CCDC178: variants seen among roughly 807,000 people sequenced by gnomAD.
The protein encoded by CCDC178 is coiled-coil domain containing 178.
A neutral mutation model predicts 117.4 loss-of-function variants in CCDC178; 126 were observed. The ratio of observed to expected loss-of-function variants is 1.07; its 90% CI spans 0.93 to 1.24. CCDC178 has a LOEUF of 1.24. CCDC178 is among the 50% of genes most tolerant of loss of function. The pLI is 0.00. For missense variants in CCDC178, 1,030 were observed against 986.9 expected (o/e 1.04, Z -0.59); for synonymous variants, 283 against 313.4 (o/e 0.90, Z 1.02).
At chr18:33,034,576 C>G (rs2056407177) in intron 21 of CCDC178, among the ~76,000 whole-genome samples, 1 of 151,980 alleles carries the variant, frequency 6.6e-6, no homozygotes, top group South Asian at 2.1e-4. Context: ...GTAATGCTGG[C>G]TAGTCATTCA....
intron 11 of CCDC178, among the ~76,000 whole-genome samples, chr18:33,309,930 TTTC>T (rs1414968511): frequency 2.6e-5 from 4 of 150,976 alleles, no homozygotes; most frequent in African/African-American, 9.8e-5. Flanking sequence ...TTTTTTCTTT[TTTC>T]TTTTCTTTTA....
chr18:33,420,849 A>G (rs2064015048), intron 2 of CCDC178, among the ~76,000 whole-genome samples: 1 of 152,256 alleles, frequency 6.6e-6, no homozygotes, highest in South Asian at 2.1e-4. Flanking sequence ...GAAAAGCAAA[A>G]AGATAGCTAG....
rs540647249 is a variant in CCDC178, at chr18:33,140,025, G to A, written c.2239-47115C>T. ...CTAAAAGGGGCCAAGGTACAGCTCC[G>A]GCTGTGGCTTCAGAGGGTGCAAGCC... On this transcript the variant is annotated intron_variant, in intron 20 of 22. Coordinates refer to ENST00000383096, the MANE Select transcript of CCDC178 (RefSeq NM_001105528.4). 7.9e-5 allele frequency among the ~76,000 whole-genome samples: 12 copies of A among 152,246 alleles called. No homozygotes were observed. In the East Asian group the frequency reaches 9.7e-4, roughly 12 times the overall value.
chr18:33,283,968 A>C (rs879211327), intron 12 of CCDC178, among the ~76,000 whole-genome samples: 4 of 152,254 alleles, frequency 2.6e-5, no homozygotes, highest in Non-Finnish European at 5.9e-5. Context: ...TGTTCATTGC[A>C]GCACTATTCA....
intron 5 of CCDC178, among the ~76,000 whole-genome samples, chr18:33,389,187 C>A (rs1426547441): frequency 6.6e-6 from 1 of 151,966 alleles, no homozygotes; most frequent in Non-Finnish European, 1.5e-5. Context: ...GAAAAATACA[C>A]CCCCAAAAAC....
chr18:33,147,356 A>ATTTTTTTTTTTTTTTTTTTTTTTTT (rs575608507), intron 20 of CCDC178, among the ~76,000 whole-genome samples: 1 of 94,620 alleles, frequency 1.1e-5, no homozygotes, highest in Non-Finnish European at 2.1e-5. Context: ...TGCCTTTTTA[A>ATTTTTTTTTTTTTTTTTTTTTTTTT]TTTTTTTTTT....
At chr18:33,430,492 T>C (rs1168420784) in intron 2 of CCDC178, among the ~76,000 whole-genome samples, 7 of 152,166 alleles carry the variant, frequency 4.6e-5, no homozygotes, top group Non-Finnish European at 4.4e-5. Context: ...CAATGGAATG[T>C]AGAGTAGATC....
chr18:33,417,359 G>A (rs1159242219), intron 2 of CCDC178, among the ~76,000 whole-genome samples: 1 of 152,168 alleles, frequency 6.6e-6, no homozygotes, highest in African/African-American at 2.4e-5. Flanking sequence ...CATATTGCAT[G>A]ATTCCATTTA....
chr18:33,407,501 T>C (rs2063796919), intron 3 of CCDC178, among the ~76,000 whole-genome samples: 1 of 152,046 alleles, frequency 6.6e-6, no homozygotes, highest in Non-Finnish European at 1.5e-5. Context: ...GTTTTGATAT[T>C]AGCAATTTGA....
At chr18:33,266,088 T>A (rs2059810326) in intron 14 of CCDC178, among the ~76,000 whole-genome samples, 1 of 151,990 alleles carries the variant, frequency 6.6e-6, no homozygotes, top group African/African-American at 2.4e-5. Context: ...ATACATAAGA[T>A]CCTCCATATC....
At chr18:33,026,731 A>T (rs2056237248) in intron 21 of CCDC178, among the ~76,000 whole-genome samples, 1 of 151,894 alleles carries the variant, frequency 6.6e-6, no homozygotes, top group African/African-American at 2.4e-5. Flanking sequence ...AAGAGTAAAA[A>T]ATCAAACAAA....
intron 11 of CCDC178, among the ~76,000 whole-genome samples, chr18:33,296,293 T>C (rs2144888466): frequency 6.6e-6 from 1 of 152,084 alleles, no homozygotes; most frequent in East Asian, 1.9e-4. Context: ...ACAGTGGATA[T>C]GAATAAAAAG....
At chr18:33,053,164 A>G (rs1383761232) in intron 21 of CCDC178, among the ~76,000 whole-genome samples, 1 of 152,214 alleles carries the variant, frequency 6.6e-6, no homozygotes, top group Non-Finnish European at 1.5e-5. Context: ...GATTAAAGCC[A>G]TCTGGTGTCT....
chr18:33,161,423 G>A (rs951695256), intron 20 of CCDC178, among the ~76,000 whole-genome samples: 3 of 151,754 alleles, frequency 2.0e-5, no homozygotes, highest in Non-Finnish European at 4.4e-5. Context: ...ATATGAAAAG[G>A]CCATTCTCTG....
intron 21 of CCDC178, among the ~76,000 whole-genome samples, chr18:33,062,107 T>C (rs1270094233): frequency 3.9e-5 from 6 of 152,114 alleles, no homozygotes; most frequent in Non-Finnish European, 8.8e-5. Flanking sequence ...AAAGAAATAT[T>C]TTTTTTAAAG....
intron 10 of CCDC178, among the ~76,000 whole-genome samples, chr18:33,330,507 G>A (rs1175862365): frequency 1.3e-5 from 2 of 152,090 alleles, no homozygotes; most frequent in East Asian, 3.9e-4. Flanking sequence ...ACTGATCTAG[G>A]AATTTAAGAT....
At chr18:33,198,259 C>CCTCT (rs1293269985) in intron 20 of CCDC178, among the ~76,000 whole-genome samples, 2 of 152,128 alleles carry the variant, frequency 1.3e-5, no homozygotes, top group South Asian at 4.1e-4. Context: ...AGCTAGCTTG[C>CCTCT]CTCTCTCTGT....
chr18:33,133,817 T>C (rs1001185163), intron 20 of CCDC178, among the ~76,000 whole-genome samples: 2 of 152,004 alleles, frequency 1.3e-5, no homozygotes, highest in African/African-American at 4.8e-5. Context: ...TGGGACGTTT[T>C]CCTGTAATGA....
At chr18:32,963,428 T>G (rs1213331666) in intron 22 of CCDC178, among the ~76,000 whole-genome samples, 1 of 152,054 alleles carries the variant, frequency 6.6e-6, no homozygotes, top group East Asian at 1.9e-4. Context: ...AATTGTAAAG[T>G]TTACTGTCTG....
Sources: gnomAD v4.1 joint callset for allele counts (sites outside exome capture counted in the v4.1 genomes callset) on GRCh38, gnomAD v4.1.1 for gene constraint, MANE v1.5 for transcripts, NCBI Gene and HGNC (gene_info 2026-07-23, HGNC 2026-07-21) for gene names.